The following ZEB2 variants were observed in gnomAD, a reference collection of about 807,000 sequenced individuals.
ZEB2 encodes the protein zinc finger E-box-binding homeobox 2.
In ZEB2, 6 loss-of-function variants were observed where a neutral mutation model predicts 99.9. The ratio of observed to expected loss-of-function variants is 0.06; its 90% CI spans 0.03 to 0.12. The LOEUF (loss-of-function observed/expected upper bound fraction) is 0.12. Ranked by LOEUF, ZEB2 falls within the 10% of genes least tolerant of loss-of-function variation. The pLI is 1.00. For synonymous variants in ZEB2, 517 were observed against 542.5 expected (o/e 0.95, Z 0.65); for missense variants, 969 against 1,502.8 (o/e 0.64, Z 5.87).
chr2:144,434,945 G>C (rs1157549927), intron 2 of ZEB2, among the ~76,000 whole-genome samples: 4 of 152,186 alleles, frequency 2.6e-5, no homozygotes, highest in Non-Finnish European at 1.5e-5. Flanking sequence ...ATGGTTCCCT[G>C]TTTATGAGGT....
At chr2:144,410,324 G>A (rs1456295940) in intron 4 of ZEB2, among the ~76,000 whole-genome samples, 3 of 152,132 alleles carry the variant, frequency 2.0e-5, no homozygotes, top group Admixed American at 1.3e-4. Flanking sequence ...CAGTTCTCTT[G>A]GCAATATGTT....
chr2:144,461,036 G>C (rs1176731303), intron 2 of ZEB2: 2 of 151,830 alleles, frequency 1.3e-5, no homozygotes, highest in East Asian at 3.9e-4. Flanking sequence ...CATTTTCATA[G>C]CGGGAGTGGA....
chr2:144,472,541 G>A (rs1704372557), intron 2 of ZEB2, among the ~76,000 whole-genome samples: 1 of 152,042 alleles, frequency 6.6e-6, no homozygotes, highest in Admixed American at 6.6e-5. Context: ...CTAAATAAAT[G>A]ATCTTATTAC....
At chr2:144,511,350 C>G (rs1705035318) in intron 2 of ZEB2, 1 of 1,146,954 alleles carries the variant, frequency 8.7e-7, no homozygotes, top group Non-Finnish European at 1.1e-6. Context: ...ACAAAACACA[C>G]ACATGCACAT....
At chr2:144,481,857 G>A (rs1221421248) in intron 2 of ZEB2, among the ~76,000 whole-genome samples, 1 of 152,130 alleles carries the variant, frequency 6.6e-6, no homozygotes, top group Non-Finnish European at 1.5e-5. Flanking sequence ...TCACCCTTCA[G>A]ACAGATAACC....
intron 2 of ZEB2, among the ~76,000 whole-genome samples, chr2:144,457,284 T>C (rs559074607): frequency 6.6e-6 from 1 of 152,252 alleles, no homozygotes; most frequent in African/African-American, 2.4e-5. Flanking sequence ...GAGGATGATT[T>C]TATAGATGAG....
intron 2 of ZEB2, chr2:144,463,149 A>G (rs1436742055): frequency 2.6e-5 from 4 of 152,200 alleles, no homozygotes; most frequent in African/African-American, 7.2e-5. Context: ...CCCCAAAGTT[A>G]AAAGGGCAAA....
intron 9 of ZEB2, among the ~76,000 whole-genome samples, chr2:144,391,797 T>C (rs2149873532): frequency 6.6e-6 from 1 of 152,318 alleles, no homozygotes; most frequent in East Asian, 1.9e-4. Context: ...CAGCAATTCA[T>C]CCATAGGGGC....
rs1055242948 is a variant in ZEB2, at chr2:144,486,677, G to T, written c.73+30601C>A. 3.9e-5 allele frequency among the ~76,000 whole-genome samples: 6 copies of T among 152,258 alleles called. No individual in the cohort carries two copies. In the East Asian group the frequency reaches 1.2e-3, roughly 29 times the overall value. ...AATTATCATGTATCCAAAAGGGAGG[G>T]TGTAATTTTCACATCTGATTACAAG... On this transcript the variant is annotated intron_variant, in intron 2 of 9. Coordinates refer to ENST00000627532, the MANE Select transcript of ZEB2 (RefSeq NM_014795.4).
intron 2 of ZEB2, among the ~76,000 whole-genome samples, chr2:144,492,278 A>G (rs996009935): frequency 1.3e-5 from 2 of 152,214 alleles, no homozygotes; most frequent in African/African-American, 4.8e-5. Flanking sequence ...TCATAATGAA[A>G]TTTGGAACAG....
At chr2:144,511,883 TCTTGGCTAAA>T in intron 2 of ZEB2, 1 of 1,287,208 alleles carries the variant, frequency 7.8e-7, no homozygotes, top group Non-Finnish European at 1.0e-6. Context: ...AACCTTCACA[TCTTGGCTAAA>T]AAGCATATTT....
At chr2:144,418,741 T>C (rs558409841) in intron 4 of ZEB2, among the ~76,000 whole-genome samples, 3 of 150,054 alleles carry the variant, frequency 2.0e-5, no homozygotes, top group Admixed American at 2.0e-4. Context: ...CAAAACAGGG[T>C]GAGCATCTAG....
chr2:144,427,155 T>C (rs1220049336), intron 3 of ZEB2: 1 of 152,210 alleles, frequency 6.6e-6, no homozygotes, highest in Non-Finnish European at 1.5e-5. Context: ...CTTTCTTCCT[T>C]AAGATGAAGA....
intron 4 of ZEB2, among the ~76,000 whole-genome samples, chr2:144,406,236 A>G (rs2149880309): frequency 6.6e-6 from 1 of 152,246 alleles, no homozygotes; most frequent in East Asian, 1.9e-4. Context: ...GGAACTATCC[A>G]TTAATTCAAC....
chr2:144,458,944 T>C lies in ZEB2; in HGVS notation c.74-28918A>G, dbSNP rs577852817. Among the ~76,000 whole-genome samples, 25 of 152,256 alleles carry C rather than the reference T, an allele frequency of 1.6e-4. No homozygotes were observed. The South Asian group carries it at 5.2e-3, about 32-fold the overall frequency. ...GGATGTATTTAATTTAGAATGGGAA[T>C]CTTGCAATATTTTTTGAATGATAGA... On this transcript the variant is annotated intron_variant, in intron 2 of 9. Transcript: ENST00000627532.
Position 144,388,890 on chromosome 2 carries a change from GAAAA to G in ZEB2, c.*557_*560del. The G allele has an allele frequency of 3.0e-6, 1 of 332,472 alleles. No homozygotes were observed. The highest frequency in any genetic ancestry group is 2.2e-5 in the South Asian group (1 of 45,244). 20.6% of individuals were successfully genotyped at this position (332,472 alleles called of 1,614,324 possible). On this transcript the variant is annotated 3_prime_UTR_variant, in exon 10 of 10. Transcript: ENST00000627532. The surrounding 1 kb of genome is among the most constrained non-coding windows in gnomAD (Gnocchi z 5.4). ...ATGCATCACTTCAAGTTCCTTCACA[GAAAA>G]AAAAAAAAATTGAGGCCTAAAATTG...
intron 2 of ZEB2, among the ~76,000 whole-genome samples, chr2:144,501,950 T>C (rs1429240131): frequency 6.6e-6 from 1 of 152,228 alleles, no homozygotes; most frequent in Non-Finnish European, 1.5e-5. Flanking sequence ...AGGCTTATTC[T>C]TTCCTAGCCA....
intron 2 of ZEB2, among the ~76,000 whole-genome samples, chr2:144,506,207 G>C (rs937785590): frequency 2.6e-5 from 4 of 152,162 alleles, no homozygotes; most frequent in Non-Finnish European, 5.9e-5. Context: ...TTTTGTTTAA[G>C]TGTATTTCAT....
Position 144,513,464 on chromosome 2 carries a change from C to T in ZEB2, c.73+3814G>A, listed in dbSNP as rs1389520536. 6 of 1,498,322 alleles carry T rather than the reference C, an allele frequency of 4.0e-6. No individual in the cohort carries two copies. The South Asian group carries it at 6.0e-5, about 15-fold the overall frequency. The allele number at this position is 1,498,322 out of a possible 1,614,324, so 92.8% of individuals were successfully genotyped here. A position where few individuals can be genotyped will look rare whatever the true frequency, so the allele number is the denominator to read the frequency against. ...TCAAATTTAACTTTTCCTTTCTTCT[C>T]CTATTTCCCTTTTCTCTCCTCCTAA... On this transcript the variant is annotated intron_variant, in intron 2 of 9. Coordinates refer to ENST00000627532, the MANE Select transcript of ZEB2 (RefSeq NM_014795.4).
Sources: allele counts gnomAD v4.1 joint callset (sites outside exome capture counted in the v4.1 genomes callset), GRCh38; gene constraint gnomAD v4.1.1; non-coding constraint Gnocchi (gnomAD v3.1); transcripts MANE v1.5; gene names NCBI Gene and HGNC (gene_info 2026-07-23, HGNC 2026-07-21).